DLGAP2: variants seen among roughly 807,000 people sequenced by gnomAD.
The protein encoded by DLGAP2 is disks large-associated protein 2.
In DLGAP2, 26 loss-of-function variants were observed where a neutral mutation model predicts 100.3. That is an observed-to-expected ratio of 0.26 (90% confidence interval 0.19 to 0.36). DLGAP2 has a LOEUF of 0.36. DLGAP2 is among the 10% of genes least tolerant of loss of function. The pLI, the probability that DLGAP2 is intolerant of heterozygous loss-of-function variation, is 1.00. For synonymous variants in DLGAP2, 886 were observed against 630.1 expected (o/e 1.41, Z -6.08); for missense variants, 1,858 against 1,453.2 (o/e 1.28, Z -4.53).
intron 1 of DLGAP2, among the ~76,000 whole-genome samples, chr8:840,559 G>A (rs1273275663): frequency 4.4e-5 from 3 of 68,028 alleles, no homozygotes; most frequent in African/African-American, 1.5e-4. Flanking sequence ...GATTCTGCGA[G>A]CGCGTCCACA....
At chr8:1,082,035 C>A (rs1803828441) in intron 2 of DLGAP2, among the ~76,000 whole-genome samples, 1 of 152,122 alleles carries the variant, frequency 6.6e-6, no homozygotes, top group Non-Finnish European at 1.5e-5. Context: ...ATGGCAGAGC[C>A]CCCTCTGTGC....
intron 3 of DLGAP2, among the ~76,000 whole-genome samples, chr8:1,497,238 A>G (rs1013620481): frequency 6.6e-6 from 1 of 152,174 alleles, no homozygotes; most frequent in African/African-American, 2.4e-5. Context: ...TGTTTTGGCG[A>G]TGGAAATGTG....
At chr8:925,177 A>C (rs1798787128) in intron 2 of DLGAP2, among the ~76,000 whole-genome samples, 1 of 152,182 alleles carries the variant, frequency 6.6e-6, no homozygotes, top group Non-Finnish European at 1.5e-5. Context: ...TTGTCACTCA[A>C]GCTGGTGTGC....
At chr8:1,224,738 C>G (rs369700070) in intron 2 of DLGAP2, among the ~76,000 whole-genome samples, 89 of 152,230 alleles carry the variant, frequency 5.8e-4, no homozygotes, top group African/African-American at 2.1e-3. Context: ...TGTTAAAATT[C>G]AACAACACAA....
rs369427667 is a variant in DLGAP2, at chr8:1,219,044, G to C, written c.74-39807G>C. Among the ~76,000 whole-genome samples, 421 of 152,218 alleles carry C rather than the reference G, an allele frequency of 2.8e-3. 1 individual carries two copies. Among genetic ancestry groups the C allele is most frequent in the African/African-American group, 8.7e-3 (363 of 41,540 alleles). On this transcript the variant is annotated intron_variant, in intron 2 of 14. Transcript: ENST00000637795. ...TGGGCAGAAACTGCGGGGTTTTCTAGGTATAGAATCATATAGTCTAAAGAC... is the reference window on the plus strand; with the variant it reads ...TGGGCAGAAACTGCGGGGTTTTCTACGTATAGAATCATATAGTCTAAAGAC...
chr8:788,901 C>T (rs1290146795), intron 1 of DLGAP2, among the ~76,000 whole-genome samples: 1 of 152,180 alleles, frequency 6.6e-6, no homozygotes, highest in Non-Finnish European at 1.5e-5. Context: ...TGGTGAGACA[C>T]CTTTAGCCTC....
chr8:1,133,808 T>A (rs1407725643), intron 2 of DLGAP2, among the ~76,000 whole-genome samples: 1 of 152,210 alleles, frequency 6.6e-6, no homozygotes, highest in Non-Finnish European at 1.5e-5. Context: ...ATCACTCAGT[T>A]GTTTTATACA....
At chr8:1,681,951 G>A (rs1338379929) in intron 12 of DLGAP2, among the ~76,000 whole-genome samples, 1 of 137,998 alleles carries the variant, frequency 7.2e-6, no homozygotes, top group Non-Finnish European at 1.5e-5. Flanking sequence ...TGCCTTCCCA[G>A]CAGTGATCTG....
At chr8:977,201 C>G (rs1271690366) in intron 2 of DLGAP2, among the ~76,000 whole-genome samples, 1 of 152,200 alleles carries the variant, frequency 6.6e-6, no homozygotes, top group Non-Finnish European at 1.5e-5. Flanking sequence ...GTAGACCAGC[C>G]CTACAGTGGG....
rs184612487 is a variant in DLGAP2 at position 954,313 on chromosome 8, T to A, written c.73+46347T>A. On this transcript the variant is annotated intron_variant, in intron 2 of 14. Coordinates refer to ENST00000637795, the MANE Select transcript of DLGAP2 (RefSeq NM_001346810.2). ...TAGAACCCCAGAACCTGTTCATCTA[T>A]AAGTGAAAATTTGTATTACCCTTTG... is the stretch of plus-strand genomic sequence containing the variant. Among the ~76,000 whole-genome samples, 782 of 152,330 alleles carry A rather than the reference T, an allele frequency of 5.1e-3. 6 individuals are homozygous for A. The highest frequency in any genetic ancestry group is 0.011 in the Admixed American group (170 of 15,292).
chr8:936,609 A>G (rs931335971), intron 2 of DLGAP2, among the ~76,000 whole-genome samples: 1 of 152,170 alleles, frequency 6.6e-6, no homozygotes, highest in African/African-American at 2.4e-5. Flanking sequence ...AGGCCCTGAA[A>G]CATGGAACTC....
At chr8:1,089,583 C>T (rs916824268) in intron 2 of DLGAP2, among the ~76,000 whole-genome samples, 2 of 152,336 alleles carry the variant, frequency 1.3e-5, no homozygotes, top group African/African-American at 4.8e-5. Flanking sequence ...CACTGAGGCC[C>T]ACTGCTCAGA....
At chr8:967,090 T>C (rs1799889619) in intron 2 of DLGAP2, among the ~76,000 whole-genome samples, 1 of 152,276 alleles carries the variant, frequency 6.6e-6, no homozygotes, top group African/African-American at 2.4e-5. Flanking sequence ...TGTATTTACC[T>C]TTCTTGATTA....
At chr8:1,464,539 A>T (rs879432241) in intron 3 of DLGAP2, among the ~76,000 whole-genome samples, 957 of 121,192 alleles carry the variant, frequency 7.9e-3, no homozygotes, top group Middle Eastern at 0.028. Flanking sequence ...TTCCAGGACA[A>T]TACCCTTCCA....
At chr8:906,922 G>A (rs1165105542) in intron 1 of DLGAP2, among the ~76,000 whole-genome samples, 1 of 152,214 alleles carries the variant, frequency 6.6e-6, no homozygotes, top group Non-Finnish European at 1.5e-5. Flanking sequence ...ATATTTGGGA[G>A]AGAATTGTTC....
chr8:1,315,439 G>A (rs62486210), intron 3 of DLGAP2, among the ~76,000 whole-genome samples: 18 of 80,026 alleles, frequency 2.2e-4, no homozygotes, highest in Middle Eastern at 0.01. Context: ...GTGTGCGAGT[G>A]CAGCGTCTCT....
chr8:1,461,721 G>T (rs572031937), intron 3 of DLGAP2, among the ~76,000 whole-genome samples: 12 of 45,424 alleles, frequency 2.6e-4, no homozygotes, highest in African/African-American at 8.9e-4. Flanking sequence ...CAGGAGGAGG[G>T]AGAAGGGTGG....
At chr8:892,029 G>C (rs1434814177) in intron 1 of DLGAP2, among the ~76,000 whole-genome samples, 1 of 152,240 alleles carries the variant, frequency 6.6e-6, no homozygotes, top group Non-Finnish European at 1.5e-5. Flanking sequence ...CCTTAGGATG[G>C]CCACTGTCAA....
Position 1,668,510 on chromosome 8 carries a change from G to T in DLGAP2, c.1992G>T (p.Thr664=). 1 of 1,592,228 alleles carries T rather than the reference G, an allele frequency of 6.3e-7. No individual in the cohort carries two copies. Among genetic ancestry groups the T allele is most frequent in the East Asian group, 2.3e-5 (1 of 43,368 alleles). ...ACAGCCGCGGCCTCTACAACTCCAC[G>T]GACAGCCTGGACAGCAACAAGGCCA... The part of the protein sequence containing the change: ...PQDSRGLYNS[T]DSLDSNKAMN... Residue 664 remains threonine, a synonymous_variant, in exon 9 of 15, where the codon ACG becomes ACT. Coordinates refer to ENST00000637795, the MANE Select transcript of DLGAP2 (RefSeq NM_001346810.2).
Sources: allele counts gnomAD v4.1 joint callset (sites outside exome capture counted in the v4.1 genomes callset), GRCh38; gene constraint gnomAD v4.1.1; transcripts MANE v1.5; gene names NCBI Gene and HGNC (gene_info 2026-07-23, HGNC 2026-07-21).